Variants in ZNF318 observed in about 807,000 individuals in gnomAD.
ZNF318 encodes the protein endocrine regulator.
A neutral mutation model predicts 124.2 loss-of-function variants in ZNF318; 51 were observed. The observed-to-expected ratio is 0.41, with a 90% CI of 0.33 to 0.52. The LOEUF (loss-of-function observed/expected upper bound fraction) is 0.52. Ranked by LOEUF, ZNF318 falls within the 20% of genes least tolerant of loss-of-function variation. ZNF318 has a pLI of 0.23. For synonymous variants in ZNF318, 1,090 were observed against 1,040.7 expected, an observed-to-expected ratio of 1.05 and a Z score of -0.91; for missense variants, 2,815 against 2,811.2, an observed-to-expected ratio of 1.00 and a Z score of -0.03.
chr6:43,352,478 T>C lies in ZNF318; in HGVS notation c.2671-2A>G, dbSNP rs1330956818. On this transcript the variant is annotated splice_acceptor_variant, in intron 4 of 9. Coordinates refer to ENST00000361428, the MANE Select transcript of ZNF318 (RefSeq NM_014345.3). LOFTEE classifies it high-confidence loss of function. ...TAGTTTTTCCCTCTCTTCAATAACCTGCAAAATACAAAGTGGTAAGAGAGT... is the reference window on the plus strand; with the variant it reads ...TAGTTTTTCCCTCTCTTCAATAACCCGCAAAATACAAAGTGGTAAGAGAGT... 2 of 1,613,220 alleles carry C rather than the reference T, an allele frequency of 1.2e-6. No homozygotes were observed. Among genetic ancestry groups the C allele is most frequent in the African/African-American group, 1.3e-5 (1 of 74,910 alleles).
rs11357632 is a variant in ZNF318 at position 43,341,654 on chromosome 6, GAA to G, written c.3376+456_3376+457del. Among the ~76,000 whole-genome samples the G allele has an allele frequency of 6.0e-3, 740 of 122,356 alleles. 3 individuals carry two copies. Among genetic ancestry groups the G allele is most frequent in the Non-Finnish European group, 6.9e-3 (400 of 58,002 alleles). The allele number at this position is 122,356 out of a possible 152,430, so 80.3% of individuals were successfully genotyped here. A position where few individuals can be genotyped will look rare whatever the true frequency, so the allele number is the denominator to read the frequency against. ...AACAGAGAGAGACCCCATCTCAGAG[GAA>G]AAAAAAAAAAAAAAAAGAAATTGAG... On this transcript the variant is annotated intron_variant, in intron 8 of 9. Coordinates refer to ENST00000361428, the MANE Select transcript of ZNF318 (RefSeq NM_014345.3).
chr6:43,342,340 G>A, intron 7 of ZNF318, 129 bp from the exon 8 acceptor site: 1 of 557,354 alleles, frequency 1.8e-6, no homozygotes, highest in Non-Finnish European at 2.9e-6. Context: ...CACCCCCTCT[G>A]CCAACTGTTT....
At chr6:43,354,463 G>A (rs79768677) in intron 4 of ZNF318, among the ~76,000 whole-genome samples, 2,716 of 152,286 alleles carry the variant, frequency 0.018, 30 homozygotes, top group Non-Finnish European at 0.03. Context: ...AGGACCCAAG[G>A]CCAGACTTTT....
Position 43,354,987 on chromosome 6 carries a change from T to C in ZNF318, c.2347A>G (p.Ile783Val). Residue 783 changes from isoleucine to valine, a missense_variant, in exon 4 of 10, where the codon ATT (isoleucine) becomes GTT (valine). By Grantham distance (29) the Ile-to-Val change is conservative (BLOSUM62 3). Around this residue, in one of 4 missense-constraint regions of ZNF318, gnomAD observed 1,377 missense variants for 1,353.5 expected, o/e 1.02. Coordinates refer to ENST00000361428, the MANE Select transcript of ZNF318 (RefSeq NM_014345.3). ...TAGGCATCAAAAGAGGCAGGGGGAATGGCAGGTCCCTGGTAGTTCGGAGGT... is the reference window on the plus strand; with the variant it reads ...TAGGCATCAAAAGAGGCAGGGGGAACGGCAGGTCCCTGGTAGTTCGGAGGT... ...RIPPNYQGPA[I>V]PPASFDAYRH... The C allele has an allele frequency of 6.2e-7, 1 of 1,610,272 alleles. No homozygotes were observed. Among genetic ancestry groups the C allele is most frequent in the Non-Finnish European group, 8.5e-7 (1 of 1,177,866 alleles).
chr6:43,345,968 G>C (rs935436376), intron 6 of ZNF318, among the ~76,000 whole-genome samples: 1 of 151,682 alleles, frequency 6.6e-6, no homozygotes, highest in Non-Finnish European at 1.5e-5. Flanking sequence ...TTTGGGAGGC[G>C]GGGGCAGGTG....
Position 43,337,641 on chromosome 6 carries a change from GCCC to G in ZNF318, c.6354_6356del (p.Gly2119del), listed in dbSNP as rs1329730470. 1.2e-6 allele frequency: 2 copies of G among 1,613,878 alleles called. No homozygotes were observed. Among genetic ancestry groups the G allele is most frequent in the East Asian group, 2.2e-5 (1 of 44,884 alleles). On this transcript the variant is annotated inframe_deletion, in exon 10 of 10. Transcript: ENST00000361428. Reference sequence around the variant, plus strand: ...CAAGGGCCTGGTGTGTTCCCTCTAGGCCCCCCAAGCCACGGTCAACATTTTCTG... The same window carrying G: ...CAAGGGCCTGGTGTGTTCCCTCTAGGCCCAAGCCACGGTCAACATTTTCTG...
Position 43,339,927 on chromosome 6 carries a change from T to C in ZNF318, c.4071A>G (p.Thr1357=), listed in dbSNP as rs142564626. ...TGGCTGAACATGACTTGCGGAGTAC[T>C]GTGGATGGAATAGGCAGGTTGGGTC... ...KIRPNLPIPS[T]VLRKSCSATM... is the part of the protein sequence containing the mutation. Residue 1357 remains threonine (T), a synonymous_variant, in exon 10 of 10, where the codon ACA becomes ACG. Coordinates refer to ENST00000361428, the MANE Select transcript of ZNF318 (RefSeq NM_014345.3). The surrounding 1 kb of genome is among the most constrained non-coding windows in gnomAD (Gnocchi z 4.2). The C allele has an allele frequency of 6.2e-7, 1 of 1,614,024 alleles. No homozygotes were observed. The highest frequency in any genetic ancestry group is 1.3e-5 in the African/African-American group (1 of 74,914).
chr6:43,343,109 T>C (rs1284749606), intron 6 of ZNF318, among the ~76,000 whole-genome samples: 1 of 152,220 alleles, frequency 6.6e-6, no homozygotes, highest in East Asian at 1.9e-4. Context: ...AATGGCAATA[T>C]ATTTACTTAC....
chr6:43,338,581 A>G lies in ZNF318; in HGVS notation c.5417T>C (p.Ile1806Thr), dbSNP rs773878310. ...GVSTSIGPHS[I>T]DDSNLNHGNR... ...TCCATGGTTCAAATTAGAATCATCT[A>G]TGCTGTGGGGTCCAATGCTGGTACT... Residue 1806 changes from isoleucine (I) to threonine (T), a missense_variant, in exon 10 of 10, where the codon ATA (isoleucine) becomes ACA (threonine). Transcript: ENST00000361428. 6.2e-7 allele frequency: 1 copy of G among 1,614,100 alleles called. No individual in the cohort carries two copies. Among genetic ancestry groups the G allele is most frequent in the South Asian group, 1.1e-5 (1 of 91,082 alleles).
At chr6:43,348,034 G>C (rs994850706) in intron 6 of ZNF318, among the ~76,000 whole-genome samples, 5 of 152,100 alleles carry the variant, frequency 3.3e-5, no homozygotes, top group African/African-American at 1.2e-4. Context: ...CCCCCAAAAG[G>C]GTATATACAA....
At chr6:43,342,087 C>A (rs372911713) in intron 8 of ZNF318, 25 bp downstream of exon 8, 2 of 1,608,694 alleles carry the variant, frequency 1.2e-6, no homozygotes, top group Non-Finnish European at 1.7e-6. Context: ...AAGGAAACCA[C>A]AAAGGTGGCA....
rs759897239 is a variant in ZNF318 at position 43,365,338 on chromosome 6, T to C, written c.502A>G (p.Ser168Gly). The change falls in exon 2 of 10, where the codon AGT becomes GGT. Residue 168 changes from serine to glycine, a missense_variant. By Grantham distance (56) the Ser-to-Gly change is moderately conservative. Around this residue, in one of 4 missense-constraint regions of ZNF318, gnomAD observed 1,377 missense variants for 1,353.5 expected, o/e 1.02. Coordinates refer to ENST00000361428, the MANE Select transcript of ZNF318 (RefSeq NM_014345.3). ...TCCACTGGTGACCCCAGCCGATCAC[T>C]AAGCCGTCGCCGTTCTGGTGTGCTA... is the stretch of plus-strand genomic sequence containing the variant. ...CVSTPERRRL[S>G]DRLGSPVDNL... is the part of the protein sequence containing the mutation. 3 of 1,614,120 alleles carry C rather than the reference T, an allele frequency of 1.9e-6. No homozygotes were observed. The highest frequency in any genetic ancestry group is 3.3e-5 in the Admixed American group (2 of 60,014).
chr6:43,344,908 CATACACCAAGGTATTAATAATATT>C (rs1779417151), intron 6 of ZNF318, among the ~76,000 whole-genome samples: 1 of 151,878 alleles, frequency 6.6e-6, no homozygotes, highest in Non-Finnish European at 1.5e-5. Flanking sequence ...TTTGGAATAA[CATACACCAAGGTATTAATAATATT>C]ATACACCAAG....
In ZNF318 at chr6:43,342,870, C is replaced by T. The variant is rs1189730045; in HGVS notation, c.3082G>A (p.Val1028Ile). ...SNSSSNKESK[V>I]NNEKFRTKSP... Reference sequence around the variant, plus strand: ...TTAGTACGAAACTTCTCATTGTTTACTTTTGATTCCTAGAGGGGAAAAATC... The same window carrying T: ...TTAGTACGAAACTTCTCATTGTTTATTTTTGATTCCTAGAGGGGAAAAATC... Residue 1028 changes from valine to isoleucine, a missense_variant, in exon 7 of 10, where the codon GTA (valine) becomes ATA (isoleucine). Transcript: ENST00000361428. The T allele has an allele frequency of 1.2e-6, 2 of 1,609,772 alleles. No homozygotes were observed. Among genetic ancestry groups the T allele is most frequent in the Non-Finnish European group, 1.7e-6 (2 of 1,176,930 alleles).
chr6:43,368,809 G>A (rs1779795007), intron 1 of ZNF318, 158 bp downstream of exon 1: 3 of 983,690 alleles, frequency 3.0e-6, no homozygotes, highest in Non-Finnish European at 3.6e-6. Context: ...ACGCTCCCGG[G>A]TCTGACAGAA....
chr6:43,367,374 C>CTTTAATCA (rs1779775924), intron 1 of ZNF318, among the ~76,000 whole-genome samples: 3 of 152,106 alleles, frequency 2.0e-5, no homozygotes, highest in Non-Finnish European at 4.4e-5. Context: ...AAAATGAGGG[C>CTTTAATCA]TTAAAAATCA....
chr6:43,350,116 G>A (rs959882822), intron 5 of ZNF318, among the ~76,000 whole-genome samples: 1 of 152,156 alleles, frequency 6.6e-6, no homozygotes, highest in Non-Finnish European at 1.5e-5. Flanking sequence ...TGGGCATGGT[G>A]GCACACGCCT....
chr6:43,369,453 C>CCGCCACCTCGGCCGCTGCG lies in ZNF318; in HGVS notation c.-107_-89dup, dbSNP rs1174549236. 2.8e-6 allele frequency: 3 copies of CCGCCACCTCGGCCGCTGCG among 1,059,636 alleles called. No homozygotes were observed. Among genetic ancestry groups the CCGCCACCTCGGCCGCTGCG allele is most frequent in the South Asian group, 4.5e-5 (1 of 22,050 alleles). The allele number at this position is 1,059,636 out of a possible 1,614,324, so 65.6% of individuals were successfully genotyped here. ...GAGCGCGCCGCCGCAGCTGCAGCCG[C>CCGCCACCTCGGCCGCTGCG]CGCCACCTCGGCCGCTGCGCGCCGC... On this transcript the variant is annotated 5_prime_UTR_variant, in exon 1 of 10. Transcript: ENST00000361428.
intron 2 of ZNF318, among the ~76,000 whole-genome samples, chr6:43,361,549 A>G (rs1458940558): frequency 6.6e-6 from 1 of 152,106 alleles, no homozygotes; most frequent in Non-Finnish European, 1.5e-5. Flanking sequence ...TGGGCAACAG[A>G]GCAAGACATT....
Sources: allele counts gnomAD v4.1 joint callset (sites outside exome capture counted in the v4.1 genomes callset), GRCh38; gene constraint gnomAD v4.1.1; regional missense constraint gnomAD v4.1.1; non-coding constraint Gnocchi (gnomAD v3.1); transcripts MANE v1.5; gene names NCBI Gene and HGNC (gene_info 2026-07-23, HGNC 2026-07-21).